Variants in NXPH2 observed in about 807,000 individuals in gnomAD.
The protein encoded by NXPH2 is neurexophilin-2.
In NXPH2, 5 loss-of-function variants were observed where a neutral mutation model predicts 19.8. The ratio of observed to expected loss-of-function variants is 0.25; its 90% confidence interval spans 0.13 to 0.53. The LOEUF (loss-of-function observed/expected upper bound fraction) is 0.53. NXPH2 is among the 20% of genes least tolerant of loss of function. The probability of loss-of-function intolerance (pLI) is 0.96; values close to 1 mark genes in which losing one functional copy is unlikely to be tolerated. For synonymous variants in NXPH2, 154 were observed against 127.4 expected (o/e 1.21, Z -1.41); for missense variants, 289 against 322.8 (o/e 0.90, Z 0.80).
intron 1 of NXPH2, among the ~76,000 whole-genome samples, chr2:138,752,776 C>T (rs971569616): frequency 2.0e-5 from 3 of 152,002 alleles, no homozygotes; most frequent in Non-Finnish European, 4.4e-5. Context: ...TTGTTTCCGA[C>T]GACCTTAGCA....
chr2:138,718,299 A>G (rs114812680), intron 1 of NXPH2, among the ~76,000 whole-genome samples: 3,173 of 152,206 alleles, frequency 0.021, 50 homozygotes, highest in Non-Finnish European at 0.033. Flanking sequence ...AGAGAGAGAA[A>G]AAAATGGGGC....
In NXPH2 at chr2:138,671,599, G is replaced by C; in HGVS notation, c.118C>G (p.Pro40Ala). The C allele has an allele frequency of 6.2e-7, 1 of 1,610,730 alleles. No homozygotes were observed. Among genetic ancestry groups the C allele is most frequent in the African/African-American group, 1.3e-5 (1 of 74,930 alleles). ...EGLDWEDKDA[P>A]GTLVGNVVHS... ...ACCACGTTGCCGACCAACGTCCCTG[G>C]AGCATCTTTGTCTTCCCAATCCAGC... The change falls in exon 2 of 2, where the codon CCA becomes GCA. Residue 40 changes from proline (P) to alanine (A), a missense_variant. Pro to Ala is a conservative substitution (Grantham distance 27, BLOSUM62 -1). Coordinates refer to ENST00000272641, the MANE Select transcript of NXPH2 (RefSeq NM_007226.3).
intron 1 of NXPH2, among the ~76,000 whole-genome samples, chr2:138,733,779 TA>T: frequency 6.6e-6 from 1 of 152,288 alleles, no homozygotes; most frequent in East Asian, 1.9e-4. Flanking sequence ...GACTTGATTC[TA>T]AAAATGACAT....
At chr2:138,763,624 C>T (rs904026431) in intron 1 of NXPH2, among the ~76,000 whole-genome samples, 2 of 152,156 alleles carry the variant, frequency 1.3e-5, no homozygotes, top group Non-Finnish European at 2.9e-5. Flanking sequence ...TTGAGAGAAT[C>T]AGGTAGAGAA....
chr2:138,775,432 T>C (rs1558934774), intron 1 of NXPH2, among the ~76,000 whole-genome samples: 1 of 152,094 alleles, frequency 6.6e-6, no homozygotes, highest in Non-Finnish European at 1.5e-5. Flanking sequence ...TAGCAGGATT[T>C]TGAAATAAAG....
In NXPH2 at chr2:138,726,247, G is replaced by A. The variant is rs1398039560; in HGVS notation, c.51+53944C>T. Among the ~76,000 whole-genome samples, 16 of 152,044 alleles carry A rather than the reference G, an allele frequency of 1.1e-4. No individual in the cohort carries two copies. The East Asian group carries it at 3.1e-3, about 29-fold the overall frequency. On this transcript the variant is annotated intron_variant, in intron 1 of 1. Coordinates refer to ENST00000272641, the MANE Select transcript of NXPH2 (RefSeq NM_007226.3). Reference sequence around the variant, plus strand: ...TTTAGTAGAGATGGGATTTCACCACGTTGGCCAGGCTGGTCTTGAACTCCT... The same window carrying A: ...TTTAGTAGAGATGGGATTTCACCACATTGGCCAGGCTGGTCTTGAACTCCT...
intron 1 of NXPH2, among the ~76,000 whole-genome samples, chr2:138,680,471 C>CTGTA (rs1162037528): frequency 2.0e-5 from 3 of 152,198 alleles, no homozygotes; most frequent in Non-Finnish European, 4.4e-5. Flanking sequence ...CACATTTGTG[C>CTGTA]TGTAGGCACT....
At chr2:138,736,472 A>G (rs1274821387) in intron 1 of NXPH2, among the ~76,000 whole-genome samples, 4 of 152,212 alleles carry the variant, frequency 2.6e-5, no homozygotes, top group African/African-American at 4.8e-5. Context: ...TGCAGCAGTT[A>G]GAATGCAGGG....
intron 1 of NXPH2, among the ~76,000 whole-genome samples, chr2:138,690,911 G>C (rs908000524): frequency 2.0e-5 from 3 of 152,222 alleles, no homozygotes; most frequent in East Asian, 1.9e-4. Context: ...CAGAGAATAG[G>C]TGGGACCCTT....
chr2:138,699,897 A>T (rs1680893981), intron 1 of NXPH2, among the ~76,000 whole-genome samples: 1 of 152,242 alleles, frequency 6.6e-6, no homozygotes, highest in Non-Finnish European at 1.5e-5. Flanking sequence ...TTAGGATATA[A>T]GTCGAGGCTT....
chr2:138,715,692 G>T (rs1369306765), intron 1 of NXPH2, among the ~76,000 whole-genome samples: 2 of 152,148 alleles, frequency 1.3e-5, no homozygotes, highest in African/African-American at 4.8e-5. Context: ...TTATTCTGGC[G>T]GTAGAGGGCT....
In NXPH2 at chr2:138,671,590, A is replaced by G. The variant is rs757048674; in HGVS notation, c.127T>C (p.Leu43=). The G allele has an allele frequency of 2.5e-6, 4 of 1,612,658 alleles. No individual in the cohort carries two copies. Among genetic ancestry groups the G allele is most frequent in the African/African-American group, 1.3e-5 (1 of 75,004 alleles). The change falls in exon 2 of 2, where the codon TTG becomes CTG. Residue 43 remains leucine (L), a synonymous_variant. Transcript: ENST00000272641. ...DWEDKDAPGT[L]VGNVVHSRII... is the part of the protein sequence containing the mutation. ...CTTGAGTGCACCACGTTGCCGACCAACGTCCCTGGAGCATCTTTGTCTTCC... is the reference window on the plus strand; with the variant it reads ...CTTGAGTGCACCACGTTGCCGACCAGCGTCCCTGGAGCATCTTTGTCTTCC...
At chr2:138,729,305 A>T (rs562328805) in intron 1 of NXPH2, among the ~76,000 whole-genome samples, 1 of 152,070 alleles carries the variant, frequency 6.6e-6, no homozygotes, top group Non-Finnish European at 1.5e-5. Flanking sequence ...ATGAGATCTG[A>T]TGGTTTTATA....
At chr2:138,738,936 C>T (rs1282687510) in intron 1 of NXPH2, among the ~76,000 whole-genome samples, 1 of 152,070 alleles carries the variant, frequency 6.6e-6, no homozygotes, top group African/African-American at 2.4e-5. Context: ...CAATAGACGG[C>T]ACAATGGAAA....
chr2:138,738,367 A>G (rs1363489034), intron 1 of NXPH2, among the ~76,000 whole-genome samples: 3 of 152,170 alleles, frequency 2.0e-5, no homozygotes, highest in African/African-American at 7.2e-5. Context: ...CACTTGGTGG[A>G]CTCATTCCCC....
chr2:138,708,416 C>T (rs1240061085), intron 1 of NXPH2, among the ~76,000 whole-genome samples: 1 of 152,088 alleles, frequency 6.6e-6, no homozygotes, highest in Admixed American at 6.6e-5. Flanking sequence ...GTATTGATTG[C>T]CTAAATCTAA....
chr2:138,752,857 A>T (rs558979691), intron 1 of NXPH2, among the ~76,000 whole-genome samples: 1 of 152,258 alleles, frequency 6.6e-6, no homozygotes, highest in African/African-American at 2.4e-5. Flanking sequence ...TTTTTCCCAT[A>T]ATCAGACTGG....
intron 1 of NXPH2, among the ~76,000 whole-genome samples, chr2:138,682,597 A>G (rs771883906): frequency 3.9e-5 from 6 of 152,204 alleles, no homozygotes; most frequent in Non-Finnish European, 5.9e-5. Context: ...TAAACAGTGG[A>G]CATCCTTTCT....
intron 1 of NXPH2, among the ~76,000 whole-genome samples, chr2:138,736,741 A>G (rs1005522451): frequency 9.2e-5 from 14 of 152,224 alleles, no homozygotes; most frequent in African/African-American, 3.1e-4. Context: ...AAATTTTCCA[A>G]ACTTTTATGC....
Sources: allele counts gnomAD v4.1 joint callset (sites outside exome capture counted in the v4.1 genomes callset), GRCh38; gene constraint gnomAD v4.1.1; transcripts MANE v1.5; gene names NCBI Gene and HGNC (gene_info 2026-07-23, HGNC 2026-07-21).